Variants in DISC1 observed in about 807,000 individuals in gnomAD.
The protein encoded by DISC1 is DISC1 scaffold protein.
In DISC1, 57 loss-of-function variants were observed where a neutral mutation model predicts 84.5. That is an observed-to-expected ratio of 0.67 (90% CI 0.55 to 0.84). The LOEUF is 0.84. Among genes scored for constraint, DISC1 ranks in the 40% least tolerant of loss-of-function variants. The pLI, the probability that DISC1 is intolerant of heterozygous loss-of-function variation, is 0.00. For synonymous variants in DISC1, 411 were observed against 415.2 expected (o/e 0.99, Z 0.12); for missense variants, 1,000 against 1,057.8 (o/e 0.95, Z 0.76).
chr1:232,025,658 G>A (rs1276288975), intron 11 of DISC1, among the ~76,000 whole-genome samples: 1 of 149,298 alleles, frequency 6.7e-6, no homozygotes, highest in Non-Finnish European at 1.5e-5. Context: ...GTGCAGTGGT[G>A]CAATCTCGGC....
chr1:231,961,414 G>T (rs970963671), intron 10 of DISC1, among the ~76,000 whole-genome samples: 6 of 152,112 alleles, frequency 3.9e-5, no homozygotes, highest in African/African-American at 1.4e-4. Context: ...GATTCAGGGG[G>T]TATATGTATA....
At chr1:231,956,036 C>T (rs1281049128) in intron 9 of DISC1, among the ~76,000 whole-genome samples, 1 of 152,214 alleles carries the variant, frequency 6.6e-6, no homozygotes, top group Non-Finnish European at 1.5e-5. Flanking sequence ...AAAGGACTCT[C>T]TTGCTTACCT....
intron 9 of DISC1, among the ~76,000 whole-genome samples, chr1:231,872,835 G>C (rs942872663): frequency 6.6e-6 from 1 of 152,220 alleles, no homozygotes; most frequent in African/African-American, 2.4e-5. Flanking sequence ...CTGTTTTCAA[G>C]ATAAGTGCAT....
At chr1:231,784,701 T>C (rs917655266) in intron 6 of DISC1, among the ~76,000 whole-genome samples, 1 of 152,190 alleles carries the variant, frequency 6.6e-6, no homozygotes, top group Non-Finnish European at 1.5e-5. Flanking sequence ...GATGAGCTAG[T>C]TGGTGAGCAC....
intron 1 of DISC1, among the ~76,000 whole-genome samples, chr1:231,688,668 T>C (rs577383705): frequency 1.3e-5 from 2 of 152,308 alleles, no homozygotes; most frequent in Non-Finnish European, 2.9e-5. Flanking sequence ...CCTCCATGAT[T>C]GAAAGAGTAC....
chr1:231,753,173 G>A (rs1274312845), intron 4 of DISC1, among the ~76,000 whole-genome samples: 1 of 152,248 alleles, frequency 6.6e-6, no homozygotes, highest in East Asian at 1.9e-4. Flanking sequence ...GACTCTGTGT[G>A]GGGTTCCAAC....
chr1:231,800,092 A>G lies in DISC1; in HGVS notation c.1690-16A>G, dbSNP rs200883320. The G allele has an allele frequency of 3.1e-6, 5 of 1,592,984 alleles. No individual in the cohort carries two copies. In the East Asian group the frequency reaches 6.7e-5, roughly 21 times the overall value. Reference sequence around the variant, plus strand: ...GCTGAATAAATGATGATTCCTGGTCATTTCTCTCCCCCTAGGTGTGTATGA... The same window carrying G: ...GCTGAATAAATGATGATTCCTGGTCGTTTCTCTCCCCCTAGGTGTGTATGA... On this transcript the variant is annotated splice_polypyrimidine_tract_variant and intron_variant, in intron 7 of 12. Coordinates refer to ENST00000439617, the MANE Select transcript of DISC1 (RefSeq NM_018662.3).
intron 9 of DISC1, among the ~76,000 whole-genome samples, chr1:231,913,097 A>G (rs928369328): frequency 6.6e-6 from 1 of 151,968 alleles, no homozygotes; most frequent in African/African-American, 2.4e-5. Context: ...TTTTTTATAG[A>G]GATGGGGTTT....
At chr1:232,027,779 C>T (rs1669614895) in intron 12 of DISC1, among the ~76,000 whole-genome samples, 1 of 147,626 alleles carries the variant, frequency 6.8e-6, no homozygotes, top group African/African-American at 2.6e-5. Flanking sequence ...CCAGTTTTTA[C>T]CATACTTTAT....
At chr1:231,812,426 T>C (rs2080397328) in intron 8 of DISC1, among the ~76,000 whole-genome samples, 2 of 152,152 alleles carry the variant, frequency 1.3e-5, no homozygotes, top group African/African-American at 4.8e-5. Context: ...CAGCATAAAT[T>C]GTGTTTATTT....
Position 231,694,327 on chromosome 1 carries a change from G to A in DISC1, c.569G>A (p.Gly190Asp). The A allele has an allele frequency of 6.2e-7, 1 of 1,614,244 alleles. No individual in the cohort carries two copies. The highest frequency in any genetic ancestry group is 2.2e-5 in the East Asian group (1 of 44,888). The change falls in exon 2 of 13, where the codon GGC becomes GAC. Residue 190 changes from glycine to aspartate, a missense_variant. Gly to Asp is a moderately conservative substitution (Grantham distance 94). Transcript: ENST00000439617. ...AELSSNSCSPGCGPEVPPTPP... is the reference protein window; with the variant it reads ...AELSSNSCSPDCGPEVPPTPP... ...TTGAGTAGCAACAGCTGCAGCCCTG[G>A]CTGTGGCCCTGAGGTCCCCCCAACC...
chr1:231,631,277 T>C (rs2058685908), intron 1 of DISC1, among the ~76,000 whole-genome samples: 1 of 152,248 alleles, frequency 6.6e-6, no homozygotes, highest in African/African-American at 2.4e-5. Context: ...AATGACGTTT[T>C]GTCAATGTCA....
intron 8 of DISC1, among the ~76,000 whole-genome samples, chr1:231,807,713 G>A (rs541996494): frequency 6.6e-6 from 1 of 152,316 alleles, no homozygotes; most frequent in African/African-American, 2.4e-5. Context: ...AGCAGCAGCA[G>A]CTGCCTGGGT....
Position 232,009,828 on chromosome 1 carries a change from T to C in DISC1, c.2307+779T>C, listed in dbSNP as rs1218840626. On this transcript the variant is annotated intron_variant, in intron 11 of 12. Transcript: ENST00000439617. This position sits in a 1 kb window ranked among gnomAD's most constrained non-coding sequence, Gnocchi z 4.6. Reference sequence around the variant, plus strand: ...TGTTGGCCCAGGTTCACAGGTGTTGTGAGTGTGGAAAGGAAATAGCATGGA... The same window carrying C: ...TGTTGGCCCAGGTTCACAGGTGTTGCGAGTGTGGAAAGGAAATAGCATGGA... 6.6e-6 allele frequency among the ~76,000 whole-genome samples: 1 copy of C among 152,058 alleles called. No homozygotes were observed. The highest frequency in any genetic ancestry group is 1.5e-5 in the Non-Finnish European group (1 of 68,008).
chr1:231,961,559 A>G (rs563449201), intron 10 of DISC1, among the ~76,000 whole-genome samples: 3 of 152,214 alleles, frequency 2.0e-5, no homozygotes, highest in South Asian at 4.1e-4. Context: ...AGTCTCCAGT[A>G]TCTATTGTTC....
Position 231,792,166 on chromosome 1 carries a change from C to G in DISC1, c.1635-3076C>G, listed in dbSNP as rs181932132. ...CGTAATTGGGAAGGCAAATCTGTTGCAAAAAGGAATATAGCATAAATTAAT... is the reference window on the plus strand; with the variant it reads ...CGTAATTGGGAAGGCAAATCTGTTGGAAAAAGGAATATAGCATAAATTAAT... On this transcript the variant is annotated intron_variant, in intron 6 of 12. Transcript: ENST00000439617. 2.7e-3 allele frequency among the ~76,000 whole-genome samples: 405 copies of G among 151,918 alleles called. 2 individuals carry two copies. The highest frequency in any genetic ancestry group is 9.2e-3 in the African/African-American group (382 of 41,460).
intron 9 of DISC1, among the ~76,000 whole-genome samples, chr1:231,932,856 C>G (rs909286213): frequency 1.3e-5 from 2 of 152,134 alleles, no homozygotes; most frequent in African/African-American, 4.8e-5. Flanking sequence ...AATTTTTGGT[C>G]TGGCAGCCTG....
At chr1:231,861,051 G>T (rs1235440207) in intron 9 of DISC1, among the ~76,000 whole-genome samples, 1 of 152,170 alleles carries the variant, frequency 6.6e-6, no homozygotes, top group Non-Finnish European at 1.5e-5. Context: ...TCTAAAGAAA[G>T]TCTTCAACTT....
Position 231,630,084 on chromosome 1 carries a change from C to T in DISC1, c.67+3150C>T, listed in dbSNP as rs958653595. The stretch of plus-strand genomic sequence containing the variant: ...GTAGTGGGATTACAGGCGCCCACCA[C>T]CACATCCAGCTAATTTTTGTATTTT... On this transcript the variant is annotated intron_variant, in intron 1 of 12. Transcript: ENST00000439617. The surrounding 1 kb of genome is among the most constrained non-coding windows in gnomAD (Gnocchi z 4.4). Among the ~76,000 whole-genome samples, 12 of 152,094 alleles carry T rather than the reference C, an allele frequency of 7.9e-5. No individual in the cohort carries two copies. The highest frequency in any genetic ancestry group is 2.9e-4 in the African/African-American group (12 of 41,400).
Sources: allele counts gnomAD v4.1 joint callset (sites outside exome capture counted in the v4.1 genomes callset), GRCh38; gene constraint gnomAD v4.1.1; non-coding constraint Gnocchi (gnomAD v3.1); transcripts MANE v1.5; gene names NCBI Gene and HGNC (gene_info 2026-07-23, HGNC 2026-07-21).